CCSER1: variants seen among roughly 807,000 people sequenced by gnomAD.
The protein encoded by CCSER1 is serine-rich coiled-coil domain-containing protein 1.
Under a neutral mutation model 82.0 loss-of-function variants are expected in CCSER1, and 41 were observed. The observed-to-expected ratio is 0.50, with a 90% CI of 0.39 to 0.65. CCSER1 has a LOEUF of 0.65. CCSER1 is among the 30% of genes least tolerant of loss of function. The probability of loss-of-function intolerance (pLI) is 0.00; values close to 1 mark genes in which losing one functional copy is unlikely to be tolerated. For synonymous variants in CCSER1, 414 were observed against 383.9 expected (o/e 1.08, Z -0.92); for missense variants, 1,119 against 1,064.2 (o/e 1.05, Z -0.72).
intron 10 of CCSER1, among the ~76,000 whole-genome samples, chr4:91,377,459 G>T (rs979575378): frequency 6.6e-6 from 1 of 152,132 alleles, no homozygotes; most frequent in African/African-American, 2.4e-5. Context: ...GTGTGAGATG[G>T]TATCTCATTG....
intron 10 of CCSER1, among the ~76,000 whole-genome samples, chr4:91,539,794 A>G (rs1761494586): frequency 6.6e-6 from 1 of 152,056 alleles, no homozygotes; most frequent in Admixed American, 6.6e-5. Context: ...TACTTACTAC[A>G]TCTTTAATTT....
chr4:90,500,624 C>T (rs1560619278), intron 5 of CCSER1, among the ~76,000 whole-genome samples: 1 of 152,116 alleles, frequency 6.6e-6, no homozygotes, highest in Non-Finnish European at 1.5e-5. Flanking sequence ...AACCACTGCT[C>T]CCGGCCCACA....
rs1750078763 is a variant in CCSER1, at chr4:90,386,505, A to G, written c.1510-13531A>G. On this transcript the variant is annotated intron_variant, in intron 3 of 10. Transcript: ENST00000509176. ...CTATACAGAAATTAACTCAAGATGGATTAAAGACAAATATATGACCTGACC... is the reference window on the plus strand; with the variant it reads ...CTATACAGAAATTAACTCAAGATGGGTTAAAGACAAATATATGACCTGACC... Among the ~76,000 whole-genome samples the G allele has an allele frequency of 2.0e-5, 3 of 152,178 alleles. No homozygotes were observed. The South Asian group carries it at 6.2e-4, about 31-fold the overall frequency.
intron 10 of CCSER1, among the ~76,000 whole-genome samples, chr4:91,150,592 C>T (rs1730073792): frequency 6.6e-6 from 1 of 152,130 alleles, no homozygotes; most frequent in South Asian, 2.1e-4. Context: ...AGTTTTTGCC[C>T]ATTCAGTATG....
intron 7 of CCSER1, among the ~76,000 whole-genome samples, chr4:90,788,846 G>A (rs1242583565): frequency 6.6e-6 from 1 of 152,018 alleles, no homozygotes; most frequent in Non-Finnish European, 1.5e-5. Context: ...TATTTCCTTG[G>A]TTTACAGATA....
intron 10 of CCSER1, among the ~76,000 whole-genome samples, chr4:91,122,234 T>C (rs116060779): frequency 6.6e-6 from 1 of 151,776 alleles, no homozygotes; most frequent in African/African-American, 2.4e-5. Context: ...GATGGTTCCT[T>C]GATACTATCA....
intron 7 of CCSER1, among the ~76,000 whole-genome samples, chr4:90,736,568 C>A (rs982641765): frequency 1.3e-5 from 2 of 151,890 alleles, no homozygotes; most frequent in South Asian, 2.1e-4. Context: ...TTTTCCATCC[C>A]TTTATTTTCA....
At chr4:90,383,369 C>T (rs188659380) in intron 3 of CCSER1, among the ~76,000 whole-genome samples, 109 of 152,252 alleles carry the variant, frequency 7.2e-4, no homozygotes, top group African/African-American at 2.1e-3. Flanking sequence ...CCTCACTTTA[C>T]AGCAAAAAGA....
At chr4:91,253,015 TA>T (rs113166537) in intron 10 of CCSER1, among the ~76,000 whole-genome samples, 3,129 of 144,176 alleles carry the variant, frequency 0.022, 97 homozygotes, top group African/African-American at 0.069. Flanking sequence ...CAGAATGGAC[TA>T]AAAAAAAAAA....
chr4:91,281,549 G>A (rs73835112), intron 10 of CCSER1, among the ~76,000 whole-genome samples: 3,401 of 152,206 alleles, frequency 0.022, 136 homozygotes, highest in African/African-American at 0.075. Flanking sequence ...TCAGGATGTC[G>A]ACCATATGAC....
chr4:90,501,327 G>A (rs958338636), intron 5 of CCSER1, among the ~76,000 whole-genome samples: 3 of 152,086 alleles, frequency 2.0e-5, no homozygotes, highest in African/African-American at 7.2e-5. Context: ...AAAAATTCTA[G>A]ATCTTGCAAT....
intron 10 of CCSER1, among the ~76,000 whole-genome samples, chr4:91,387,341 A>G (rs1751362233): frequency 6.6e-6 from 1 of 152,052 alleles, no homozygotes. Flanking sequence ...GAAAGCTTGA[A>G]GAGATTTTCA....
At chr4:90,377,122 T>C (rs1398966199) in intron 3 of CCSER1, among the ~76,000 whole-genome samples, 1 of 152,148 alleles carries the variant, frequency 6.6e-6, no homozygotes, top group Non-Finnish European at 1.5e-5. Flanking sequence ...GAAAAGTTCT[T>C]TGTGTCTGTA....
chr4:91,027,800 T>G (rs762028778), intron 9 of CCSER1, among the ~76,000 whole-genome samples: 3 of 152,064 alleles, frequency 2.0e-5, no homozygotes, highest in Non-Finnish European at 2.9e-5. Flanking sequence ...TGATTGGACC[T>G]GTGTTTAGTC....
At chr4:90,795,578 T>G (rs1755892497) in intron 7 of CCSER1, among the ~76,000 whole-genome samples, 1 of 152,218 alleles carries the variant, frequency 6.6e-6, no homozygotes. Context: ...TTGCTGGTTT[T>G]TCAGGAGAAT....
intron 1 of CCSER1, among the ~76,000 whole-genome samples, chr4:90,208,468 C>A (rs1323913752): frequency 1.3e-5 from 2 of 151,750 alleles, no homozygotes; most frequent in South Asian, 2.1e-4. Flanking sequence ...CTGAGCTAGA[C>A]CACTTGGCTC....
intron 10 of CCSER1, among the ~76,000 whole-genome samples, chr4:91,442,135 TGGAACCAAAAAAGA>T (rs1755208700): frequency 6.6e-6 from 1 of 151,720 alleles, no homozygotes; most frequent in East Asian, 2.0e-4. Flanking sequence ...AAAGTTCATA[TGGAACCAAAAAAGA>T]GCCCACATCG....
chr4:90,647,385 C>T (rs747290628), intron 6 of CCSER1, among the ~76,000 whole-genome samples: 8 of 152,034 alleles, frequency 5.3e-5, no homozygotes, highest in African/African-American at 1.2e-4. Flanking sequence ...GCACGTTAAC[C>T]GCTTTTACAG....
intron 10 of CCSER1, among the ~76,000 whole-genome samples, chr4:91,474,778 T>G: frequency 8.4e-6 from 1 of 119,044 alleles, no homozygotes; most frequent in Non-Finnish European, 1.8e-5. Flanking sequence ...TATATATATA[T>G]ATATTTGTGT....
Sources: gnomAD v4.1 joint callset for allele counts (sites outside exome capture counted in the v4.1 genomes callset) on GRCh38, gnomAD v4.1.1 for gene constraint, MANE v1.5 for transcripts, NCBI Gene and HGNC (gene_info 2026-07-23, HGNC 2026-07-21) for gene names.